The following GTF2I variants were observed in gnomAD, a reference collection of about 807,000 sequenced individuals.
The protein encoded by GTF2I is general transcription factor II-I.
GTF2I carries 12 observed loss-of-function variants against 67.6 expected under a neutral mutation model. That is an observed-to-expected ratio of 0.18 (90% CI 0.11 to 0.29). The LOEUF (loss-of-function observed/expected upper bound fraction) is 0.29, where lower values mean the gene tolerates loss of function less well. Ranked by LOEUF, GTF2I falls within the 10% of genes least tolerant of loss-of-function variation. GTF2I has a pLI of 1.00. For missense variants in GTF2I, 271 were observed against 580.1 expected (o/e 0.47, Z 5.47); for synonymous variants, 149 against 197.0 (o/e 0.76, Z 2.04).
intron 1 of GTF2I, among the ~76,000 whole-genome samples, chr7:74,682,987 A>G (rs1435976803): frequency 7.4e-5 from 11 of 149,360 alleles, no homozygotes; most frequent in Non-Finnish European, 1.6e-4. Context: ...ATTGTTTAGT[A>G]TGGAGAAGAA....
At chr7:74,710,239 C>G (rs1554402257) in intron 8 of GTF2I, among the ~76,000 whole-genome samples, 1 of 152,166 alleles carries the variant, frequency 6.6e-6, no homozygotes, top group Non-Finnish European at 1.5e-5. Flanking sequence ...CAAGTCAGAG[C>G]TCACGATTTC....
chr7:74,667,448 G>A (rs188421803), intron 1 of GTF2I, among the ~76,000 whole-genome samples: 2 of 152,260 alleles, frequency 1.3e-5, no homozygotes, highest in East Asian at 3.9e-4. Flanking sequence ...TCCTTGTAGT[G>A]TTTTTTGTTG....
intron 4 of GTF2I, chr7:74,699,947 A>G (rs994602544): frequency 7.8e-6 from 2 of 257,630 alleles, no homozygotes; most frequent in Non-Finnish European, 1.5e-5. Flanking sequence ...GTACCTGAGA[A>G]TATGCCAGGA....
intron 1 of GTF2I, among the ~76,000 whole-genome samples, chr7:74,688,564 C>T (rs983012956): frequency 6.6e-6 from 1 of 152,206 alleles, no homozygotes; most frequent in African/African-American, 2.4e-5. Flanking sequence ...TCAAGCAATT[C>T]TCCTGCCTCA....
intron 9 of GTF2I, among the ~76,000 whole-genome samples, chr7:74,711,413 CA>C (rs1397442288): frequency 6.6e-6 from 1 of 152,124 alleles, no homozygotes; most frequent in Non-Finnish European, 1.5e-5. Flanking sequence ...ACCTATTAGG[CA>C]AATGCAGATA....
At chr7:74,709,221 C>CT (rs1317630496) in intron 8 of GTF2I, among the ~76,000 whole-genome samples, 5 of 151,852 alleles carry the variant, frequency 3.3e-5, no homozygotes, top group Non-Finnish European at 5.9e-5. Context: ...GCTTACCAGA[C>CT]TTTTTTTTGG....
intron 1 of GTF2I, among the ~76,000 whole-genome samples, chr7:74,677,676 G>T (rs1042807382): frequency 8.6e-5 from 13 of 151,258 alleles, no homozygotes; most frequent in African/African-American, 3.2e-4. Flanking sequence ...TAGCTACTCG[G>T]GAGGCTGAGG....
chr7:74,664,092 G>C (rs1554387644), intron 1 of GTF2I, among the ~76,000 whole-genome samples: 1 of 152,170 alleles, frequency 6.6e-6, no homozygotes, highest in East Asian at 1.9e-4. Context: ...GCCTCCGAAA[G>C]TGCTGGGCCA....
At chr7:74,674,453 C>G (rs1306225544) in intron 1 of GTF2I, among the ~76,000 whole-genome samples, 1 of 152,186 alleles carries the variant, frequency 6.6e-6, no homozygotes, top group African/African-American at 2.4e-5. Context: ...GACTTGCATT[C>G]AAGTTCTGCC....
chr7:74,712,077 A>G (rs1419664281), intron 9 of GTF2I, among the ~76,000 whole-genome samples: 2 of 151,008 alleles, frequency 1.3e-5, no homozygotes, highest in Non-Finnish European at 3.0e-5. Flanking sequence ...AGCCTCCCGA[A>G]TAGCTGGGAT....
At chr7:74,725,356 G>T (rs1793618553) in intron 12 of GTF2I, among the ~76,000 whole-genome samples, 1 of 152,056 alleles carries the variant, frequency 6.6e-6, no homozygotes, top group Non-Finnish European at 1.5e-5. Flanking sequence ...ATGAAACAGG[G>T]TTTTTAAAAT....
intron 1 of GTF2I, among the ~76,000 whole-genome samples, chr7:74,667,038 G>A (rs977436335): frequency 2.0e-5 from 3 of 151,760 alleles, no homozygotes; most frequent in Non-Finnish European, 2.9e-5. Context: ...CCAGACACTC[G>A]GGAGGCTGAG....
chr7:74,659,121 C>T (rs1422605224), intron 1 of GTF2I, among the ~76,000 whole-genome samples: 1 of 152,138 alleles, frequency 6.6e-6, no homozygotes, highest in Non-Finnish European at 1.5e-5. Flanking sequence ...TGCGTTCTCA[C>T]TTTGTTGCCC....
In GTF2I at chr7:74,707,873, GT is replaced by G. The variant is rs797036120; in HGVS notation, c.685+1451del. On this transcript the variant is annotated intron_variant, in intron 8 of 34. Transcript: ENST00000573035. Reference sequence around the variant, plus strand: ...TATGTACACATCAGCATCATTATAGGTTTTTTTTTTTCTCTTTTACACTTTG... The same window carrying G: ...TATGTACACATCAGCATCATTATAGGTTTTTTTTTTCTCTTTTACACTTTG... 2.4e-3 allele frequency among the ~76,000 whole-genome samples: 357 copies of G among 147,506 alleles called. 1 individual carries two copies. Among genetic ancestry groups the G allele is most frequent in the African/African-American group, 6.8e-3 (276 of 40,454 alleles).
chr7:74,689,243 C>G lies in GTF2I; in HGVS notation c.99+16C>G. On this transcript the variant is annotated intron_variant, in intron 2 of 34. Transcript: ENST00000573035. ...CGAGTCCATGGTGAGGCCTTCTGTT[C>G]CATCATTCCATAGTTGGGTAGGCCT... The G allele has an allele frequency of 7.3e-7, 1 of 1,375,700 alleles. No homozygotes were observed. The highest frequency in any genetic ancestry group is 1.0e-6 in the Non-Finnish European group (1 of 964,062). 85.2% of individuals were successfully genotyped at this position (1,375,700 alleles called of 1,614,324 possible).
intron 7 of GTF2I, among the ~76,000 whole-genome samples, chr7:74,705,435 A>G (rs1432425039): frequency 1.3e-5 from 2 of 152,202 alleles, no homozygotes; most frequent in Non-Finnish European, 2.9e-5. Context: ...CATTGGTCAC[A>G]CTGTGAATTG....
At chr7:74,688,616 C>G (rs1325942662) in intron 1 of GTF2I, among the ~76,000 whole-genome samples, 1 of 152,154 alleles carries the variant, frequency 6.6e-6, no homozygotes, top group Non-Finnish European at 1.5e-5. Context: ...GCCATCGTGC[C>G]TGGCCAGAAT....
intron 12 of GTF2I, chr7:74,727,528 AAAT>A (rs1554405960): frequency 2.0e-5 from 3 of 152,212 alleles, no homozygotes; most frequent in Admixed American, 1.3e-4. Flanking sequence ...TTTAGCTGTA[AAAT>A]AAGAATAACA....
Position 74,676,009 on chromosome 7 carries a change from AAAAC to A in GTF2I, c.-5-13094_-5-13091del, listed in dbSNP as rs201241821. Among the ~76,000 whole-genome samples the A allele has an allele frequency of 3.2e-3, 479 of 151,942 alleles. 1 individual carries two copies. The highest frequency in any genetic ancestry group is 8.8e-3 in the African/African-American group (364 of 41,478). On this transcript the variant is annotated intron_variant, in intron 1 of 34. Coordinates refer to ENST00000573035, the MANE Select transcript of GTF2I (RefSeq NM_032999.4). Reference sequence around the variant, plus strand: ...TGGGTGACAGAGCAAGACTCCATCTAAAACAAACAAACAAACAAACAAACCAAAT... The same window carrying A: ...TGGGTGACAGAGCAAGACTCCATCTAAAACAAACAAACAAACAAACCAAAT...
Sources: gnomAD v4.1 joint callset for allele counts (sites outside exome capture counted in the v4.1 genomes callset) on GRCh38, gnomAD v4.1.1 for gene constraint, MANE v1.5 for transcripts, NCBI Gene and HGNC (gene_info 2026-07-23, HGNC 2026-07-21) for gene names.